The following MAF variants were observed in gnomAD, a reference collection of about 807,000 sequenced individuals.
The protein encoded by MAF is MAF bZIP transcription factor.
In MAF, 10 loss-of-function variants were observed where a neutral mutation model predicts 22.0. The observed-to-expected ratio is 0.45, with a 90% CI of 0.28 to 0.77. The LOEUF is 0.77. Among genes scored for constraint, MAF ranks in the 30% least tolerant of loss-of-function variants. The pLI, the probability that MAF is intolerant of heterozygous loss-of-function variation, is 0.12. For synonymous variants in MAF, 337 were observed against 255.8 expected (o/e 1.32, Z -3.03); for missense variants, 544 against 548.4 (o/e 0.99, Z 0.08).
At chr16:79,598,588 G>GTGTT in intron 1 of MAF, 197 bp downstream of exon 1, 2 of 1,443,984 alleles carry the variant, frequency 1.4e-6, no homozygotes, top group Non-Finnish European at 1.8e-6. Flanking sequence ...TGGGGTGTGT[G>GTGTT]TGTGTGTGTG....
chr16:79,258,072 C>T, the MAF span, among the ~76,000 whole-genome samples: 1 of 152,162 alleles, frequency 6.6e-6, no homozygotes, highest in Non-Finnish European at 1.5e-5. Context: ...AGCTGCTTTG[C>T]GTGTTTAACC....
the MAF span, among the ~76,000 whole-genome samples, chr16:79,525,895 T>C: frequency 1.1e-4 from 16 of 152,176 alleles, no homozygotes; most frequent in Admixed American, 4.6e-4. Context: ...GTTACTAACA[T>C]CCCTGCTCTA....
the MAF span, among the ~76,000 whole-genome samples, chr16:79,434,648 A>T: frequency 2.6e-5 from 4 of 151,584 alleles, no homozygotes; most frequent in Non-Finnish European, 5.9e-5. Context: ...ATAATATATA[A>T]TTAAAGTAGA....
the MAF span, among the ~76,000 whole-genome samples, chr16:79,396,284 G>A: frequency 6.6e-6 from 1 of 152,136 alleles, no homozygotes; most frequent in Non-Finnish European, 1.5e-5. Context: ...CAAGCCTTGT[G>A]AGTCACTGCA....
the MAF span, among the ~76,000 whole-genome samples, chr16:79,342,922 T>C: frequency 1.3e-5 from 2 of 152,124 alleles, no homozygotes; most frequent in Non-Finnish European, 1.5e-5. Flanking sequence ...TAAATTGCTC[T>C]CCTTACCATT....
chr16:79,335,728 C>G, the MAF span, among the ~76,000 whole-genome samples: 1 of 152,160 alleles, frequency 6.6e-6, no homozygotes, highest in Non-Finnish European at 1.5e-5. Context: ...CTGCTGGGGC[C>G]GGGAATCAGG....
chr16:79,553,452 G>T, the MAF span, among the ~76,000 whole-genome samples: 7,519 of 152,336 alleles, frequency 0.049, 269 homozygotes, highest in Middle Eastern at 0.095. Flanking sequence ...GCCTGCTTTT[G>T]GGGGAGGCTT....
At chr16:79,384,451 G>GAAAAAAAA in the MAF span, among the ~76,000 whole-genome samples, 1 of 109,810 alleles carries the variant, frequency 9.1e-6, no homozygotes. Flanking sequence ...GTCTCAAAAA[G>GAAAAAAAA]AAAAAAAAAA....
chr16:79,588,780 C>A (rs1197007474), intron 1 of MAF, among the ~76,000 whole-genome samples: 1 of 151,930 alleles, frequency 6.6e-6, no homozygotes, highest in Non-Finnish European at 1.5e-5. Context: ...CTTTTAATAG[C>A]TTGCCCCCTC....
chr16:79,351,412 C>T, the MAF span, among the ~76,000 whole-genome samples: 2 of 152,158 alleles, frequency 1.3e-5, no homozygotes, highest in African/African-American at 4.8e-5. Flanking sequence ...AGGGTTCATG[C>T]TCCAGGCTTG....
the MAF span, among the ~76,000 whole-genome samples, chr16:79,333,306 G>A: frequency 6.6e-6 from 1 of 152,276 alleles, no homozygotes; most frequent in East Asian, 1.9e-4. Flanking sequence ...CTCAGACTCT[G>A]GGATCAGGGG....
At chr16:79,380,651 C>A in the MAF span, among the ~76,000 whole-genome samples, 3 of 152,168 alleles carry the variant, frequency 2.0e-5, no homozygotes, top group Non-Finnish European at 4.4e-5. Flanking sequence ...ACTCAATAAA[C>A]CCTCTCTGAC....
the MAF span, among the ~76,000 whole-genome samples, chr16:79,236,817 G>A: frequency 5.8e-4 from 88 of 151,940 alleles, no homozygotes; most frequent in African/African-American, 2.0e-3. Context: ...CGCCATCTCC[G>A]ATGACTCCAG....
the MAF span, among the ~76,000 whole-genome samples, chr16:79,553,019 G>A: frequency 1.3e-5 from 2 of 152,202 alleles, no homozygotes; most frequent in African/African-American, 4.8e-5. Flanking sequence ...AGGCAAATTG[G>A]GGTCTAAATT....
At chr16:79,407,002 C>T in the MAF span, among the ~76,000 whole-genome samples, 7,813 of 152,240 alleles carry the variant, frequency 0.051, 297 homozygotes, top group East Asian at 0.15. Flanking sequence ...GCTGCCGGCG[C>T]GTCACACCCA....
At chr16:79,504,198 T>G in the MAF span, among the ~76,000 whole-genome samples, 1 of 152,208 alleles carries the variant, frequency 6.6e-6, no homozygotes, top group African/African-American at 2.4e-5. Flanking sequence ...TAAGCTGAGA[T>G]ATTTGAAACC....
chr16:79,450,974 G>A, the MAF span, among the ~76,000 whole-genome samples: 1 of 152,092 alleles, frequency 6.6e-6, no homozygotes, highest in Non-Finnish European at 1.5e-5. Context: ...TTCACAGGAT[G>A]ATGTCTAGAG....
chr16:79,393,420 G>T, the MAF span, among the ~76,000 whole-genome samples: 47 of 152,294 alleles, frequency 3.1e-4, no homozygotes, highest in East Asian at 3.9e-4. Flanking sequence ...GCTATCCAGC[G>T]CTCTCTGCCT....
chr16:79,557,741 T>C, the MAF span, among the ~76,000 whole-genome samples: 1 of 152,194 alleles, frequency 6.6e-6, no homozygotes, highest in South Asian at 2.1e-4. Flanking sequence ...TTTTCATTTA[T>C]TCAACTCATA....
Sources: gnomAD v4.1 joint callset for allele counts (sites outside exome capture counted in the v4.1 genomes callset) on GRCh38, gnomAD v4.1.1 for gene constraint, MANE v1.5 for transcripts, NCBI Gene and HGNC (gene_info 2026-07-23, HGNC 2026-07-21) for gene names.